Variants in ANO8 observed in about 807,000 individuals in gnomAD.
ANO8 encodes anoctamin 8, also known as anoctamin-8.
In ANO8, 67 loss-of-function variants were observed where a neutral mutation model predicts 120.4. The ratio of observed to expected loss-of-function variants is 0.56; its 90% CI spans 0.46 to 0.68. The LOEUF (loss-of-function observed/expected upper bound fraction) is 0.68, where lower values mean the gene tolerates loss of function less well. Ranked by LOEUF, ANO8 falls within the 30% of genes least tolerant of loss-of-function variation. The pLI is 0.00. For synonymous variants in ANO8, 727 were observed against 759.2 expected, an observed-to-expected ratio of 0.96 and a Z score of 0.70; for missense variants, 1,526 against 1,737.6, an observed-to-expected ratio of 0.88 and a Z score of 2.16.
Position 17,330,426 on chromosome 19 carries a change from G to T in ANO8, c.1072C>A (p.Leu358Ile). The T allele has an allele frequency of 6.4e-7, 1 of 1,573,854 alleles. No homozygotes were observed. The change falls in exon 9 of 18, where the codon CTT (leucine) becomes ATT (isoleucine). Residue 358 changes from leucine to isoleucine, a missense_variant. Transcript: ENST00000159087. Reference protein sequence around the residue: ...PPWKRLLFQLLVSLPLCLACL... With the variant: ...PPWKRLLFQLIVSLPLCLACL... Reference sequence around the variant, plus strand: ...GCCAGGCACAGGGGGAGGCTCACAAGCAGCTGGAAGAGCAGCCGCTTCCAG... The same window carrying T: ...GCCAGGCACAGGGGGAGGCTCACAATCAGCTGGAAGAGCAGCCGCTTCCAG...
Position 17,328,238 on chromosome 19 carries a change from C to G in ANO8, c.2150G>C (p.Trp717Ser), listed in dbSNP as rs762899533. The G allele has an allele frequency of 1.9e-6, 3 of 1,610,992 alleles. No individual in the cohort carries two copies. Among genetic ancestry groups the G allele is most frequent in the Non-Finnish European group, 2.5e-6 (3 of 1,178,344 alleles). The stretch of plus-strand genomic sequence containing the variant: ...GTGTTCCTCCTCCGGCGGGTCAATC[C>G]AAGACGACCGGTTCTGCCGTCTCTG... ...RRQRRQNRSS[W>S]IDPPEEEHSP... The change falls in exon 13 of 18, where the codon TGG becomes TCG. Residue 717 changes from tryptophan (W) to serine (S), a missense_variant. Trp to Ser is a radical substitution (Grantham distance 177). This residue lies in a region of ANO8 where 467 missense variants were observed against 425.8 expected (regional missense o/e 1.10). Transcript: ENST00000159087.
chr19:17,329,643 G>A, intron 12 of ANO8, 114 bp downstream of exon 12: 3 of 745,088 alleles, frequency 4.0e-6, no homozygotes, highest in Non-Finnish European at 6.8e-6. Context: ...CAGGAGAGAA[G>A]GATGGAGGAG....
intron 11 of ANO8, 32 bp from the exon 12 acceptor site, chr19:17,329,863 G>C: frequency 6.2e-7 from 1 of 1,613,158 alleles, no homozygotes; most frequent in South Asian, 1.1e-5. Flanking sequence ...TGGTCATCCT[G>C]CACCCCCACC....
rs1024436357 is a variant in ANO8, at chr19:17,333,907, G to C, written c.107-107C>G. ...CCAGGGCTCCTCACCACTCCACCTG[G>C]CATTCAAGGCCCCGGGAGCTCTGGG... is the stretch of plus-strand genomic sequence containing the variant. On this transcript the variant is annotated intron_variant, in intron 1 of 17. Transcript: ENST00000159087. This position sits in a 1 kb window ranked among gnomAD's most constrained non-coding sequence, Gnocchi z 7.2. 10 of 886,154 alleles carry C rather than the reference G, an allele frequency of 1.1e-5. No individual in the cohort carries two copies. In the African/African-American group the frequency reaches 1.7e-4, roughly 15 times the overall value. The allele number at this position is 886,154 out of a possible 1,614,324, so 54.9% of individuals were successfully genotyped here.
rs1256713730 is a variant in ANO8, at chr19:17,325,221, A to C, written c.2827T>G (p.Ser943Ala). 5 of 1,611,628 alleles carry C rather than the reference A, an allele frequency of 3.1e-6. No individual in the cohort carries two copies. In the South Asian group the frequency reaches 5.5e-5, roughly 18 times the overall value. The stretch of plus-strand genomic sequence containing the variant: ...TTGGCCTTGGCAGAGGCCTTCTCGG[A>C]GGAGGTGGCAGGGTCCAGCCCAGAG... ...EGSGLDPATS[S>A]EKASAKAKGS... The change falls in exon 17 of 18, where the codon TCC (serine) becomes GCC (alanine). Residue 943 changes from serine (S) to alanine (A), a missense_variant. Ser to Ala is a moderately conservative substitution (Grantham distance 99). Around this residue, in one of 8 missense-constraint regions of ANO8, gnomAD observed 489 missense variants for 548.6 expected, o/e 0.89. Coordinates refer to ENST00000159087, the MANE Select transcript of ANO8 (RefSeq NM_020959.3).
In ANO8 at chr19:17,333,414, G is replaced by T; in HGVS notation, c.350+8C>A. ...GGCTCAGCGAGAGGCCAGGGACAGG[G>T]GACTCGCCTCTCATACGTGGCGGTG... On this transcript the variant is annotated splice_region_variant and intron_variant, in intron 3 of 17. Coordinates refer to ENST00000159087, the MANE Select transcript of ANO8 (RefSeq NM_020959.3). This position sits in a 1 kb window ranked among gnomAD's most constrained non-coding sequence, Gnocchi z 7.2. 6.2e-7 allele frequency: 1 copy of T among 1,613,804 alleles called. No individual in the cohort carries two copies. Among genetic ancestry groups the T allele is most frequent in the Non-Finnish European group, 8.5e-7 (1 of 1,180,012 alleles).
chr19:17,328,117 C>T, intron 13 of ANO8, 45 bp downstream of exon 13: 1 of 1,480,834 alleles, frequency 6.8e-7, no homozygotes, highest in East Asian at 2.4e-5. Context: ...TGTGTCCCGT[C>T]CCCGGCGAGG....
chr19:17,323,996 T>G, intron 17 of ANO8, 112 bp from the exon 18 acceptor site: 10 of 1,004,166 alleles, frequency 1.0e-5, no homozygotes, highest in South Asian at 4.7e-5. Context: ...AAAGGCCTTA[T>G]TGCTTCTGAT....
intron 17 of ANO8, 89 bp downstream of exon 17, chr19:17,324,627 TC>T: frequency 1.3e-6 from 2 of 1,494,804 alleles, no homozygotes; most frequent in Non-Finnish European, 8.9e-7. Context: ...GCTTCCCCTG[TC>T]CCCTTCAGCC....
At chr19:17,328,121 G>GGCGAGGCCCCGCCCCT in intron 13 of ANO8, 41 bp downstream of exon 13, 2 of 1,436,414 alleles carry the variant, frequency 1.4e-6, no homozygotes, top group Non-Finnish European at 1.9e-6. Context: ...TCCCGTCCCC[G>GGCGAGGCCCCGCCCCT]GCGAGGCCCC....
chr19:17,329,555 G>A, intron 12 of ANO8: 1 of 602,638 alleles, frequency 1.7e-6, no homozygotes, highest in Non-Finnish European at 2.9e-6. Context: ...TGAAGGGACC[G>A]ACGGACAGAT....
chr19:17,328,963 G>A lies in ANO8; in HGVS notation c.1425C>T (p.Ile475=). The change falls in exon 13 of 18, where the codon ATC becomes ATT. Residue 475 remains isoleucine, a synonymous_variant. Coordinates refer to ENST00000159087, the MANE Select transcript of ANO8 (RefSeq NM_020959.3). ...RLKEMLATLL[I]TRQFLQNVRE... ...GCACGTTCTGGAGGAACTGGCGGGTGATCAGCAGCGTGGCCAGCATCTGGG... is the reference window on the plus strand; with the variant it reads ...GCACGTTCTGGAGGAACTGGCGGGTAATCAGCAGCGTGGCCAGCATCTGGG... The A allele has an allele frequency of 6.7e-7, 1 of 1,503,466 alleles. No homozygotes were observed. Among genetic ancestry groups the A allele is most frequent in the Non-Finnish European group, 8.9e-7 (1 of 1,127,942 alleles). The allele number at this position is 1,503,466 out of a possible 1,614,324, so 93.1% of individuals were successfully genotyped here.
At position 17,333,918 on chromosome 19, in the gene ANO8, C is replaced by T. The variant is rs2074340562; in HGVS notation, c.107-118G>A. On this transcript the variant is annotated intron_variant, in intron 1 of 17. Transcript: ENST00000159087. This position sits in a 1 kb window ranked among gnomAD's most constrained non-coding sequence, Gnocchi z 7.2. ...CACCACTCCACCTGGCATTCAAGGC[C>T]CCGGGAGCTCTGGGCTTGGCTTATT... 1.2e-6 allele frequency: 1 copy of T among 814,300 alleles called. No homozygotes were observed. Among genetic ancestry groups the T allele is most frequent in the African/African-American group, 1.7e-5 (1 of 58,110 alleles). The allele number at this position is 814,300 out of a possible 1,614,324, so 50.4% of individuals were successfully genotyped here.
chr19:17,329,231 C>T, intron 12 of ANO8: 1 of 452,928 alleles, frequency 2.2e-6, no homozygotes, highest in Non-Finnish European at 3.9e-6. Flanking sequence ...CTCCACCCCA[C>T]CGCGGGCTCT....
At chr19:17,330,063 G>T (rs776472507) in intron 10 of ANO8, 49 bp from the exon 11 acceptor site, 10 of 1,613,788 alleles carry the variant, frequency 6.2e-6, no homozygotes, top group Admixed American at 1.7e-5. Context: ...CCCCCCAAGG[G>T]TGGCAGGGAT....
At chr19:17,329,618 C>A in intron 12 of ANO8, 139 bp downstream of exon 12, 1 of 666,060 alleles carries the variant, frequency 1.5e-6, no homozygotes, top group South Asian at 1.8e-5. Context: ...AGACGACGGA[C>A]AACGGACGGA....
At chr19:17,327,974 C>T in intron 13 of ANO8, 94 bp from the exon 14 acceptor site, 2 of 1,509,988 alleles carry the variant, frequency 1.3e-6, no homozygotes, top group Non-Finnish European at 1.8e-6. Flanking sequence ...CCATGTGGAC[C>T]CAGGGCCTGT....
Position 17,325,254 on chromosome 19 carries a change from C to A in ANO8, c.2794G>T (p.Ala932Ser), listed in dbSNP as rs758877569. ...GCAGGGTCCAGCCCAGAGCCCTCGGCCCTCGCCTCCTCTCGGCCACCAGAA... is the reference window on the plus strand; with the variant it reads ...GCAGGGTCCAGCCCAGAGCCCTCGGACCTCGCCTCCTCTCGGCCACCAGAA... ...HDSGGREEAR[A>S]EGSGLDPATS... The change falls in exon 17 of 18, where the codon GCC becomes TCC. Residue 932 changes from alanine (A) to serine (S), a missense_variant. Around this residue, in one of 8 missense-constraint regions of ANO8, gnomAD observed 489 missense variants for 548.6 expected, o/e 0.89. Coordinates refer to ENST00000159087, the MANE Select transcript of ANO8 (RefSeq NM_020959.3). 1 of 1,609,438 alleles carries A rather than the reference C, an allele frequency of 6.2e-7. No individual in the cohort carries two copies.
Position 17,333,458 on chromosome 19 carries a change from C to G in ANO8, c.314G>C (p.Arg105Pro). 1 of 1,613,576 alleles carries G rather than the reference C, an allele frequency of 6.2e-7. No homozygotes were observed. The highest frequency in any genetic ancestry group is 8.5e-7 in the Non-Finnish European group (1 of 1,180,006). ...IVQVRHHRHT[R>P]AYAFFVTATY... ...GGCGGTGACAAAGAAGGCGTAGGCA[C>G]GCGTGTGGCGGTGGTGGCGGACTTG... The change falls in exon 3 of 18, where the codon CGT (arginine) becomes CCT (proline). Residue 105 changes from arginine to proline, a missense_variant. Physicochemically the swap from Arg to Pro is moderately radical, Grantham distance 103. This residue lies in a region of ANO8 where 322 missense variants were observed against 431.8 expected (regional missense o/e 0.75). Transcript: ENST00000159087. This position sits in a 1 kb window ranked among gnomAD's most constrained non-coding sequence, Gnocchi z 7.2.
Sources: allele counts gnomAD v4.1 joint callset, GRCh38; gene constraint gnomAD v4.1.1; regional missense constraint gnomAD v4.1.1; non-coding constraint Gnocchi (gnomAD v3.1); transcripts MANE v1.5; gene names NCBI Gene and HGNC (gene_info 2026-07-23, HGNC 2026-07-21).